The following NRCAM variants were observed in gnomAD, a reference collection of about 807,000 sequenced individuals.
NRCAM encodes NgCAM-related cell adhesion molecule.
Under a neutral mutation model 156.5 loss-of-function variants are expected in NRCAM, and 83 were observed. That is an observed-to-expected ratio of 0.53 (90% CI 0.44 to 0.64). NRCAM has a LOEUF of 0.64. Ranked by LOEUF, NRCAM falls within the 30% of genes least tolerant of loss-of-function variation. The pLI is 0.00. For missense variants in NRCAM, 1,417 were observed against 1,597.3 expected, an observed-to-expected ratio of 0.89 and a Z score of 1.92; for synonymous variants, 538 against 563.9, an observed-to-expected ratio of 0.95 and a Z score of 0.65.
At chr7:108,198,666 C>T (rs1320787421) in intron 13 of NRCAM, among the ~76,000 whole-genome samples, 1 of 152,218 alleles carries the variant, frequency 6.6e-6, no homozygotes, top group Non-Finnish European at 1.5e-5. Flanking sequence ...CTTGTTCAAA[C>T]CTGTTCCTTT....
chr7:108,408,350 G>A (rs60017384), intron 1 of NRCAM, among the ~76,000 whole-genome samples: 8,251 of 152,218 alleles, frequency 0.054, 736 homozygotes, highest in African/African-American at 0.19. Flanking sequence ...AGAACTAAAC[G>A]GAGAAAATGT....
Position 108,399,490 on chromosome 7 carries a change from G to A in NRCAM, c.-228C>T, listed in dbSNP as rs1216053787. ...CCCAAATGTTTTTCTGATTTCTGAA[G>A]CTATCCTTTTCTCAGGAGAATGCCA... On this transcript the variant is annotated 5_prime_UTR_variant, in exon 2 of 33. Coordinates refer to ENST00000379028, the MANE Select transcript of NRCAM (RefSeq NM_001037132.4). The A allele has an allele frequency of 6.6e-6, 1 of 152,162 alleles. No homozygotes were observed. The highest frequency in any genetic ancestry group is 2.4e-5 in the African/African-American group (1 of 41,434). The allele number at this position is 152,162 out of a possible 1,614,324, so 9.4% of individuals were successfully genotyped here.
intron 1 of NRCAM, among the ~76,000 whole-genome samples, chr7:108,406,100 G>A (rs1292760269): frequency 1.3e-5 from 2 of 152,058 alleles, no homozygotes; most frequent in African/African-American, 4.8e-5. Flanking sequence ...CAGGGGTAAG[G>A]GTGTGACCAT....
At chr7:108,152,721 T>G (rs942286898) in intron 32 of NRCAM, among the ~76,000 whole-genome samples, 1 of 151,990 alleles carries the variant, frequency 6.6e-6, no homozygotes, top group African/African-American at 2.4e-5. Flanking sequence ...AATTGCAGAG[T>G]TGCAGCAGAG....
chr7:108,419,556 A>G (rs1346362832), intron 1 of NRCAM, among the ~76,000 whole-genome samples: 1 of 522 alleles, frequency 1.9e-3, no homozygotes, highest in Non-Finnish European at 3.7e-3. Context: ...GTATATATAG[A>G]GTTTGAGGTA....
At chr7:108,218,580 G>T (rs985240948) in intron 11 of NRCAM, among the ~76,000 whole-genome samples, 1 of 152,042 alleles carries the variant, frequency 6.6e-6, no homozygotes, top group African/African-American at 2.4e-5. Flanking sequence ...GCAAAAACAC[G>T]GAAATTAAAT....
chr7:108,268,630 G>GC lies in NRCAM; in HGVS notation c.-106-28461_-106-28460insG, dbSNP rs1330026388. Among the ~76,000 whole-genome samples, 301 of 119,316 alleles carry GC rather than the reference G, an allele frequency of 2.5e-3. 4 individuals are homozygous for GC. Among genetic ancestry groups the GC allele is most frequent in the Non-Finnish European group, 4.0e-3 (212 of 52,994 alleles). The allele number at this position is 119,316 out of a possible 152,430, so 78.3% of individuals were successfully genotyped here. A position where few individuals can be genotyped will look rare whatever the true frequency, so the allele number is the denominator to read the frequency against. On this transcript the variant is annotated intron_variant, in intron 3 of 32. Coordinates refer to ENST00000379028, the MANE Select transcript of NRCAM (RefSeq NM_001037132.4). The stretch of plus-strand genomic sequence containing the variant: ...GAGCGGGGCGGGGGTGGGGGTGGGG[G>GC]GGGGTTGGGGGGGGCGGCGGTGGCG...
intron 1 of NRCAM, among the ~76,000 whole-genome samples, chr7:108,403,382 T>C (rs779772206): frequency 3.3e-5 from 5 of 152,182 alleles, no homozygotes; most frequent in Non-Finnish European, 5.9e-5. Context: ...TTAATGCTAC[T>C]AATAAAAAAT....
chr7:108,229,046 G>A (rs931821067), intron 8 of NRCAM, among the ~76,000 whole-genome samples: 5 of 152,144 alleles, frequency 3.3e-5, no homozygotes, highest in Admixed American at 1.3e-4. Context: ...TATATGTCTT[G>A]TGAGTGCACA....
At chr7:108,309,584 T>C in intron 3 of NRCAM, among the ~76,000 whole-genome samples, 1 of 152,150 alleles carries the variant, frequency 6.6e-6, no homozygotes, top group African/African-American at 2.4e-5. Context: ...TGGCCAGGCA[T>C]GGTGGCTCAT....
At chr7:108,174,548 G>A (rs2059767949) in intron 28 of NRCAM, among the ~76,000 whole-genome samples, 1 of 152,236 alleles carries the variant, frequency 6.6e-6, no homozygotes, top group African/African-American at 2.4e-5. Context: ...AGGGGTCAAA[G>A]ACTGGGGCAT....
intron 1 of NRCAM, among the ~76,000 whole-genome samples, chr7:108,401,780 G>A (rs899987432): frequency 1.3e-5 from 2 of 152,114 alleles, no homozygotes; most frequent in Admixed American, 6.6e-5. Context: ...CCGACCATGC[G>A]TTGCCTCAAA....
chr7:108,260,740 A>G (rs894879688), intron 3 of NRCAM, among the ~76,000 whole-genome samples: 1 of 152,134 alleles, frequency 6.6e-6, no homozygotes, highest in African/African-American at 2.4e-5. Context: ...TGGGGCCCAC[A>G]CAGAGCTGGA....
chr7:108,297,822 C>G (rs189250650), intron 3 of NRCAM, among the ~76,000 whole-genome samples: 123 of 152,250 alleles, frequency 8.1e-4, no homozygotes, highest in Middle Eastern at 3.4e-3. Flanking sequence ...TATGCACATG[C>G]GTAATATACT....
intron 32 of NRCAM, among the ~76,000 whole-genome samples, chr7:108,151,748 C>T (rs1375150790): frequency 1.3e-5 from 2 of 152,166 alleles, no homozygotes; most frequent in East Asian, 3.8e-4. Context: ...ATAGCCTACA[C>T]AACATCTCTG....
intron 23 of NRCAM, 47 bp from the exon 24 acceptor site, chr7:108,181,984 A>C: frequency 7.1e-7 from 1 of 1,400,378 alleles, no homozygotes; most frequent in Non-Finnish European, 1.0e-6. Context: ...GTTATTTTTA[A>C]TTTCATCCAT....
intron 2 of NRCAM, among the ~76,000 whole-genome samples, chr7:108,397,304 T>C (rs76272716): frequency 0.011 from 1,708 of 152,296 alleles, 32 homozygotes; most frequent in African/African-American, 0.037. Context: ...ATCGAGCATT[T>C]TGTAGCTTTC....
intron 11 of NRCAM, among the ~76,000 whole-genome samples, chr7:108,213,076 T>C (rs542141121): frequency 1.6e-4 from 24 of 152,286 alleles, no homozygotes; most frequent in African/African-American, 5.3e-4. Context: ...CTAGAAGGGA[T>C]TGGGGCCCTA....
At chr7:108,384,315 ACAAAAACAAAAC>A (rs984422651) in intron 2 of NRCAM, among the ~76,000 whole-genome samples, 19 of 152,178 alleles carry the variant, frequency 1.2e-4, no homozygotes, top group Admixed American at 4.6e-4. Flanking sequence ...CCAAAGAAAA[ACAAAAACAAAAC>A]CAAAAACAAA....
Sources: allele counts gnomAD v4.1 joint callset (sites outside exome capture counted in the v4.1 genomes callset), GRCh38; gene constraint gnomAD v4.1.1; transcripts MANE v1.5; gene names NCBI Gene and HGNC (gene_info 2026-07-23, HGNC 2026-07-21).